Variants in NT5DC4 observed in about 807,000 individuals in gnomAD.
NT5DC4 encodes 5'-nucleotidase domain containing 4.
In NT5DC4, 44 loss-of-function variants were observed where a neutral mutation model predicts 26.6. That is an observed-to-expected ratio of 1.65 (90% CI 1.30 to 2.13). The LOEUF (loss-of-function observed/expected upper bound fraction) is 2.13. NT5DC4 is among the 30% of genes most tolerant of loss of function. The probability of loss-of-function intolerance (pLI) is 0.00; values close to 1 mark genes in which losing one functional copy is unlikely to be tolerated. For missense variants in NT5DC4, 399 were observed against 228.1 expected (o/e 1.75, Z -4.83); for synonymous variants, 157 against 86.7 (o/e 1.81, Z -4.51).
chr2:112,727,911 C>G (rs1299643497), intron 15 of NT5DC4, among the ~76,000 whole-genome samples: 2 of 152,296 alleles, frequency 1.3e-5, no homozygotes, highest in African/African-American at 4.8e-5. Flanking sequence ...GACCTCTACA[C>G]TGCCGCCTGC....
At chr2:112,721,525 G>A in intron 1 of NT5DC4, 1 of 717,908 alleles carries the variant, frequency 1.4e-6, no homozygotes, top group East Asian at 2.7e-5. Context: ...TACAGGGTTG[G>A]ATGCCTATAA....
intron 10 of NT5DC4, 141 bp downstream of exon 10, chr2:112,724,267 C>T (rs1452756468): frequency 1.6e-5 from 11 of 676,666 alleles, no homozygotes; most frequent in Middle Eastern, 3.6e-4. Flanking sequence ...GGTCATTTCT[C>T]ATGAGTGGAA....
intron 4 of NT5DC4, 77 bp from the exon 5 acceptor site, chr2:112,722,406 G>A (rs543714917): frequency 1.5e-5 from 11 of 714,594 alleles, no homozygotes; most frequent in Non-Finnish European, 2.1e-5. Context: ...GAAGGGATGC[G>A]TGGTGGTTGG....
chr2:112,737,810 C>G (rs1199144672), intron 16 of NT5DC4: 2 of 152,114 alleles, frequency 1.3e-5, no homozygotes. Context: ...AGACAAACTC[C>G]TAATTCTCTA....
At chr2:112,740,239 C>T (rs926797568), downstream of NT5DC4, among the ~76,000 whole-genome samples, 14 of 152,052 alleles carry the variant, frequency 9.2e-5, no homozygotes, top group African/African-American at 1.5e-4. Context: ...GGAAGAGATT[C>T]GGCTGTGCTT....
intron 16 of NT5DC4, 115 bp from the exon 17 acceptor site, chr2:112,738,798 C>A: frequency 3.3e-6 from 5 of 1,506,392 alleles, no homozygotes; most frequent in Non-Finnish European, 4.6e-6. Context: ...TCTGAAACAC[C>A]TTTTTTAAAA....
intron 15 of NT5DC4, among the ~76,000 whole-genome samples, chr2:112,728,760 T>C (rs528140881): frequency 6.6e-6 from 1 of 152,308 alleles, no homozygotes; most frequent in African/African-American, 2.4e-5. Flanking sequence ...TTTATCTTCC[T>C]CATTTTATCA....
At chr2:112,719,383 TC>T (rs1339270048), upstream of NT5DC4, among the ~76,000 whole-genome samples, 1 of 152,100 alleles carries the variant, frequency 6.6e-6, no homozygotes, top group Non-Finnish European at 1.5e-5. Flanking sequence ...CTGTTGTTGT[TC>T]CAGATAACTT....
chr2:112,721,655 T>C (rs1302340765), intron 1 of NT5DC4, 163 bp from the exon 2 acceptor site: 5 of 716,226 alleles, frequency 7.0e-6, no homozygotes, highest in Admixed American at 4.0e-5. Flanking sequence ...CACACATGGG[T>C]CCAGGCAGGG....
At chr2:112,721,463 G>T (rs1232137508) in intron 1 of NT5DC4, 1 of 717,750 alleles carries the variant, frequency 1.4e-6, no homozygotes, top group Admixed American at 2.0e-5. Flanking sequence ...GGACACTGGG[G>T]TCCCATTTCA....
Position 112,723,235 on chromosome 2 carries a change from G to A in NT5DC4, c.621+61G>A, listed in dbSNP as rs879292133. ...CTGTCTGCTCTTGGTTCCCCGGGCA[G>A]CCTTCAGGCCTCCAGTCCCCATAGC... On this transcript the variant is annotated intron_variant, in intron 7 of 16. Transcript: ENST00000688554. 4.2e-6 allele frequency: 3 copies of A among 716,752 alleles called. No individual in the cohort carries two copies. The East Asian group carries it at 8.0e-5, about 19-fold the overall frequency. 44.4% of individuals were successfully genotyped at this position (716,752 alleles called of 1,614,324 possible).
chr2:112,736,888 A>C (rs1679263996), intron 16 of NT5DC4: 1 of 151,880 alleles, frequency 6.6e-6, no homozygotes, highest in Non-Finnish European at 1.5e-5. Context: ...TAACACTGCC[A>C]CAAACATGTG....
intron 16 of NT5DC4, among the ~76,000 whole-genome samples, chr2:112,735,364 T>C (rs1233218397): frequency 6.6e-6 from 1 of 152,074 alleles, no homozygotes; most frequent in Non-Finnish European, 1.5e-5. Flanking sequence ...TATTTTATAG[T>C]ATGTAAAAGA....
chr2:112,722,157 A>G (rs1278368735), intron 3 of NT5DC4, 26 bp from the exon 4 acceptor site: 1 of 595,332 alleles, frequency 1.7e-6, no homozygotes. Context: ...CCCCACCCAC[A>G]GTGCCCCCCG....
intron 16 of NT5DC4, among the ~76,000 whole-genome samples, chr2:112,734,589 G>C (rs1376214874): frequency 1.3e-5 from 2 of 152,190 alleles, no homozygotes; most frequent in African/African-American, 2.4e-5. Flanking sequence ...GAGATGCCAA[G>C]TTTGGCTTTG....
At chr2:112,726,913 A>G in intron 15 of NT5DC4, 175 bp downstream of exon 15, 2 of 639,748 alleles carry the variant, frequency 3.1e-6, no homozygotes, top group South Asian at 1.8e-5. Context: ...GCTGGCCGAC[A>G]TTCCAAAGGG....
rs61743392 is a variant in NT5DC4, at chr2:112,722,743, T to A, written c.499T>A (p.Phe167Ile). The stretch of plus-strand genomic sequence containing the variant: ...CTACCTCTATGCCTGCTTGGTGGAC[T>A]TCTTCTCTGGCTGCTCCCGTTACAC... ...ETYLYACLVD[F>I]FSGCSRYTNC... Residue 167 changes from phenylalanine to isoleucine, a missense_variant, in exon 6 of 17, where the codon TTC (phenylalanine) becomes ATC (isoleucine). Transcript: ENST00000688554. The A allele has an allele frequency of 5.6e-3, 4,051 of 717,660 alleles. 20 individuals carry two copies. The highest frequency in any genetic ancestry group is 7.7e-3 in the Non-Finnish European group (2,970 of 385,136). 44.5% of individuals were successfully genotyped at this position (717,660 alleles called of 1,614,324 possible).
chr2:112,724,366 C>T (rs555955269), intron 10 of NT5DC4: 9 of 590,014 alleles, frequency 1.5e-5, no homozygotes, highest in Middle Eastern at 4.5e-4. Flanking sequence ...TATGTGGGGA[C>T]GGGCGGCAGA....
Position 112,726,724 on chromosome 2 carries a change from A to G in NT5DC4, c.1252A>G (p.Lys418Glu), listed in dbSNP as rs1439296074. The G allele has an allele frequency of 4.2e-6, 3 of 717,392 alleles. No individual in the cohort carries two copies. The highest frequency in any genetic ancestry group is 2.7e-5 in the East Asian group (1 of 37,300). 44.4% of individuals were successfully genotyped at this position (717,392 alleles called of 1,614,324 possible). ...SCELQVINFTKREIQMPHESV... is the reference protein window; with the variant it reads ...SCELQVINFTEREIQMPHESV... ...TGAGCTGCAAGTCATCAACTTCACCAAGAGAGAGATCCAGGTGGGAGCTGG... is the reference window on the plus strand; with the variant it reads ...TGAGCTGCAAGTCATCAACTTCACCGAGAGAGAGATCCAGGTGGGAGCTGG... Residue 418 changes from lysine to glutamate, a missense_variant, in exon 15 of 17, where the codon AAG becomes GAG. Physicochemically the swap from Lys to Glu is moderately conservative, Grantham distance 56 (BLOSUM62 1). Coordinates refer to ENST00000688554, the MANE Select transcript of NT5DC4 (RefSeq NM_001393655.1).
Sources: gnomAD v4.1 joint callset for allele counts (sites outside exome capture counted in the v4.1 genomes callset) on GRCh38, gnomAD v4.1.1 for gene constraint, MANE v1.5 for transcripts, NCBI Gene and HGNC (gene_info 2026-07-23, HGNC 2026-07-21) for gene names.